TRAF7: variants seen among roughly 807,000 people sequenced by gnomAD.
TRAF7 encodes the protein E3 ubiquitin-protein ligase TRAF7.
A neutral mutation model predicts 89.3 loss-of-function variants in TRAF7; 45 were observed. The ratio of observed to expected loss-of-function variants is 0.50; its 90% CI spans 0.40 to 0.65. TRAF7 has a LOEUF of 0.65. Among genes scored for constraint, TRAF7 ranks in the 30% least tolerant of loss-of-function variants. The probability of loss-of-function intolerance (pLI) is 0.00; values close to 1 mark genes in which losing one functional copy is unlikely to be tolerated. For synonymous variants in TRAF7, 406 were observed against 369.2 expected, an observed-to-expected ratio of 1.10 and a Z score of -1.14; for missense variants, 677 against 918.1, an observed-to-expected ratio of 0.74 and a Z score of 3.39.
intron 4 of TRAF7, among the ~76,000 whole-genome samples, chr16:2,169,418 C>T (rs757066601): frequency 2.0e-5 from 3 of 152,144 alleles, no homozygotes; most frequent in Admixed American, 6.5e-5. Flanking sequence ...CCCGAAGCCA[C>T]GAGTCCTCCA....
At chr16:2,167,405 C>A (rs2093091057) in intron 3 of TRAF7, among the ~76,000 whole-genome samples, 1 of 152,234 alleles carries the variant, frequency 6.6e-6, no homozygotes, top group Non-Finnish European at 1.5e-5. Flanking sequence ...CTCTCTCTGC[C>A]TCCCACGTGG....
chr16:2,174,228 C>A (rs776340874), intron 13 of TRAF7, 23 bp from the exon 14 acceptor site: 1 of 1,609,872 alleles, frequency 6.2e-7, no homozygotes, highest in Admixed American at 1.7e-5. Flanking sequence ...TGCTGGGACC[C>A]ACTGTGGCCC....
intron 12 of TRAF7, 32 bp downstream of exon 12, chr16:2,173,868 C>CCCCCCCCCCCCCCCCCCCCCCCCCCG: frequency 6.2e-7 from 1 of 1,601,744 alleles, no homozygotes; most frequent in Non-Finnish European, 8.5e-7. Flanking sequence ...CTCCCGCCCA[C>CCCCCCCCCCCCCCCCCCCCCCCCCCG]CCTCCCCCCC....
At chr16:2,169,685 C>T (rs971643243) in intron 4 of TRAF7, among the ~76,000 whole-genome samples, 1 of 152,216 alleles carries the variant, frequency 6.6e-6, no homozygotes, top group Non-Finnish European at 1.5e-5. Flanking sequence ...CCCTCTGCTG[C>T]TGTGGGGCCT....
At position 2,166,815 on chromosome 16, in the gene TRAF7, G is replaced by A. The variant is rs540205422; in HGVS notation, c.139+879G>A. On this transcript the variant is annotated intron_variant, in intron 3 of 20. Transcript: ENST00000326181. ...AAAACCAGAGTGCTGCGCTTTGAAC[G>A]CAAGCGCCGTGCTCAGGGAGACCAT... 5.9e-5 allele frequency among the ~76,000 whole-genome samples: 9 copies of A among 152,352 alleles called. No homozygotes were observed. The East Asian group carries it at 1.5e-3, about 26-fold the overall frequency.
At chr16:2,173,892 G>A in intron 12 of TRAF7, 29 bp from the exon 13 acceptor site, 1 of 1,323,938 alleles carries the variant, frequency 7.6e-7, no homozygotes, top group Non-Finnish European at 1.0e-6. Flanking sequence ...CCCCAACTGG[G>A]CCTTCACCCA....
At position 2,170,506 on chromosome 16, in the gene TRAF7, G is replaced by A. The variant is rs141884045; in HGVS notation, c.232-108G>A. ...GAGAGTACCCGCAGGGACCGGGGTG[G>A]CCCCAGGGGTGCTGCTGCCCTCGCG... On this transcript the variant is annotated intron_variant, in intron 4 of 20. Transcript: ENST00000326181. The A allele has an allele frequency of 3.6e-4, 272 of 764,602 alleles. 2 individuals are homozygous for A. The African/African-American group carries it at 4.1e-3, about 12-fold the overall frequency. The allele number at this position is 764,602 out of a possible 1,614,324, so 47.4% of individuals were successfully genotyped here.
In TRAF7 at chr16:2,177,423, A is replaced by AT. The variant is rs1013978083; in HGVS notation, c.*859dup. ...ATCGCTGGTTTTCGGCATTTTTTAA[A>AT]TTTTTTTTTTAAGAAACGTCAAAGT... is the stretch of plus-strand genomic sequence containing the variant. On this transcript the variant is annotated 3_prime_UTR_variant, in exon 21 of 21. Transcript: ENST00000326181. 1.3e-3 allele frequency: 296 copies of AT among 223,514 alleles called. No homozygotes were observed. The highest frequency in any genetic ancestry group is 2.1e-3 in the East Asian group (32 of 15,578). The allele number at this position is 223,514 out of a possible 1,614,324, so 13.8% of individuals were successfully genotyped here.
chr16:2,171,917 C>T (rs1179411241), intron 7 of TRAF7, among the ~76,000 whole-genome samples: 6 of 152,218 alleles, frequency 3.9e-5, no homozygotes, highest in African/African-American at 7.2e-5. Flanking sequence ...GTCGTCCTCC[C>T]GCACGGCGCC....
rs535423363 is a variant in TRAF7, at chr16:2,158,175, G to A, written c.-39+2317G>A. Among the ~76,000 whole-genome samples, 5 of 152,314 alleles carry A rather than the reference G, an allele frequency of 3.3e-5. No homozygotes were observed. The highest frequency in any genetic ancestry group is 2.1e-4 in the South Asian group (1 of 4,826). ...GGGAGGGCCGAGAGCTGTTGGCTGC[G>A]TGTGTCTCAGTCCGGCCTTCTCAGT... On this transcript the variant is annotated intron_variant, in intron 1 of 20. Transcript: ENST00000326181. The surrounding 1 kb of genome is among the most constrained non-coding windows in gnomAD (Gnocchi z 4.7).
chr16:2,156,163 G>A (rs1291687448), intron 1 of TRAF7, among the ~76,000 whole-genome samples: 1 of 152,066 alleles, frequency 6.6e-6, no homozygotes, highest in Non-Finnish European at 1.5e-5. Context: ...GGCGCCGGGA[G>A]ACCGCGGAGA....
chr16:2,160,384 A>G (rs1450001289), intron 1 of TRAF7, among the ~76,000 whole-genome samples: 1 of 150,514 alleles, frequency 6.6e-6, no homozygotes, highest in East Asian at 2.0e-4. Flanking sequence ...AAGATCGAAT[A>G]CTCCTGGAGC....
chr16:2,157,300 C>T (rs1392638918), intron 1 of TRAF7, among the ~76,000 whole-genome samples: 1 of 152,164 alleles, frequency 6.6e-6, no homozygotes, highest in East Asian at 1.9e-4. Flanking sequence ...GTGGTATGGG[C>T]AGCCTGGCCT....
At chr16:2,165,339 T>C (rs1327635784) in intron 2 of TRAF7, among the ~76,000 whole-genome samples, 1 of 140,708 alleles carries the variant, frequency 7.1e-6, no homozygotes, top group Non-Finnish European at 1.5e-5. Flanking sequence ...CGCGGCCTGG[T>C]CGCATGGTTA....
Position 2,176,605 on chromosome 16 carries a change from G to A in TRAF7, c.*31G>A. 1 of 1,613,336 alleles carries A rather than the reference G, an allele frequency of 6.2e-7. No individual in the cohort carries two copies. The highest frequency in any genetic ancestry group is 8.5e-7 in the Non-Finnish European group (1 of 1,179,988). On this transcript the variant is annotated 3_prime_UTR_variant, in exon 21 of 21. Transcript: ENST00000326181. ...TCCAGGCCAGGCTGTGGTTTCCCCT[G>A]AACCAGCCCTGGACCTTTCTGAGCC...
In TRAF7 at chr16:2,159,161, C is replaced by T. The variant is rs1032709417; in HGVS notation, c.-39+3303C>T. ...TCCCTGGAGCAGAGGGAGATACGGA[C>T]GCTGGAGAGGCTTGGCCAGGGCAAG... On this transcript the variant is annotated intron_variant, in intron 1 of 20. Transcript: ENST00000326181. This position sits in a 1 kb window ranked among gnomAD's most constrained non-coding sequence, Gnocchi z 6.5. 6.6e-5 allele frequency among the ~76,000 whole-genome samples: 10 copies of T among 152,180 alleles called. No homozygotes were observed. The highest frequency in any genetic ancestry group is 2.1e-4 in the South Asian group (1 of 4,832).
Position 2,163,832 on chromosome 16 carries a change from C to A in TRAF7, c.-38-51C>A. The A allele has an allele frequency of 1.6e-6, 2 of 1,229,716 alleles. No individual in the cohort carries two copies. Among genetic ancestry groups the A allele is most frequent in the Non-Finnish European group, 2.3e-6 (2 of 852,276 alleles). 76.2% of individuals were successfully genotyped at this position (1,229,716 alleles called of 1,614,324 possible). Reference sequence around the variant, plus strand: ...CACTTGCAGCAGCCCGTCTGACTCACAGGGGCCTGGGCTCCATCTCTCAAG... The same window carrying A: ...CACTTGCAGCAGCCCGTCTGACTCAAAGGGGCCTGGGCTCCATCTCTCAAG... On this transcript the variant is annotated intron_variant, in intron 1 of 20. Transcript: ENST00000326181. This position sits in a 1 kb window ranked among gnomAD's most constrained non-coding sequence, Gnocchi z 4.3.
chr16:2,171,702 G>C (rs2093112040), intron 7 of TRAF7, 97 bp downstream of exon 7: 1 of 1,573,064 alleles, frequency 6.4e-7, no homozygotes, highest in Admixed American at 1.7e-5. Flanking sequence ...ACAGCGTCCG[G>C]CCCTGTTTGG....
chr16:2,176,645 G>T lies in TRAF7; in HGVS notation c.*71G>T. On this transcript the variant is annotated 3_prime_UTR_variant, in exon 21 of 21. Coordinates refer to ENST00000326181, the MANE Select transcript of TRAF7 (RefSeq NM_032271.3). ...CTTTCTGAGCCAGGCTGGCCACATG[G>T]GGTGGTCTCGGGGTTTCTGCCTGCC... 1 of 1,610,390 alleles carries T rather than the reference G, an allele frequency of 6.2e-7. No individual in the cohort carries two copies. The highest frequency in any genetic ancestry group is 8.5e-7 in the Non-Finnish European group (1 of 1,178,452).
Sources: gnomAD v4.1 joint callset for allele counts (sites outside exome capture counted in the v4.1 genomes callset) on GRCh38, gnomAD v4.1.1 for gene constraint, Gnocchi (gnomAD v3.1) non-coding constraint, MANE v1.5 for transcripts, NCBI Gene and HGNC (gene_info 2026-07-23, HGNC 2026-07-21) for gene names.